Variants in ZDHHC20 observed in about 807,000 individuals in gnomAD.
ZDHHC20 encodes palmitoyltransferase ZDHHC20.
Under a neutral mutation model 57.8 loss-of-function variants are expected in ZDHHC20, and 43 were observed. That is an observed-to-expected ratio of 0.74 (90% confidence interval 0.58 to 0.96). ZDHHC20 has a LOEUF of 0.96. Among genes scored for constraint, ZDHHC20 ranks in the 40% least tolerant of loss-of-function variants. ZDHHC20 has a pLI of 0.00. For missense variants in ZDHHC20, 391 were observed against 441.1 expected, an observed-to-expected ratio of 0.89 and a Z score of 1.02; for synonymous variants, 157 against 153.0, an observed-to-expected ratio of 1.03 and a Z score of -0.19.
rs1010046901 is a variant in ZDHHC20, at chr13:21,374,490, C to A, written c.*2206G>T. On this transcript the variant is annotated 3_prime_UTR_variant, in exon 13 of 13. Coordinates refer to ENST00000400590, the MANE Select transcript of ZDHHC20 (RefSeq NM_001330059.2). ...CCTCAGGTGATCCGCCAGCCTTGGC[C>A]TCCCAAAGTGCTGGGATTACAGGCA... is the stretch of plus-strand genomic sequence containing the variant. 5 of 452,914 alleles carry A rather than the reference C, an allele frequency of 1.1e-5. No homozygotes were observed. The highest frequency in any genetic ancestry group is 1.8e-5 in the Non-Finnish European group (4 of 225,402). 28.1% of individuals were successfully genotyped at this position (452,914 alleles called of 1,614,324 possible).
intron 1 of ZDHHC20, among the ~76,000 whole-genome samples, chr13:21,429,536 G>C (rs1881674758): frequency 2.0e-5 from 3 of 152,116 alleles, no homozygotes; most frequent in Admixed American, 2.0e-4. Context: ...TTTATATTTA[G>C]TGGTCAGAAA....
intron 9 of ZDHHC20, among the ~76,000 whole-genome samples, chr13:21,385,523 T>C (rs1316079013): frequency 6.6e-6 from 1 of 152,160 alleles, no homozygotes; most frequent in Non-Finnish European, 1.5e-5. Context: ...ATCAGTGAAC[T>C]TGTGGATATT....
Position 21,374,991 on chromosome 13 carries a change from G to A in ZDHHC20, c.*1705C>T, listed in dbSNP as rs779650943. 14 of 376,018 alleles carry A rather than the reference G, an allele frequency of 3.7e-5. No homozygotes were observed. The highest frequency in any genetic ancestry group is 6.0e-5 in the South Asian group (3 of 50,038). The allele number at this position is 376,018 out of a possible 1,614,324, so 23.3% of individuals were successfully genotyped here. ...TCTTCTAAAAATGTGAAAATTAGCC[G>A]GGCATGGTGGCATGAGCCTGTAATC... On this transcript the variant is annotated 3_prime_UTR_variant, in exon 13 of 13. Transcript: ENST00000400590.
chr13:21,396,599 G>A (rs1240687126), intron 7 of ZDHHC20, among the ~76,000 whole-genome samples: 4 of 152,320 alleles, frequency 2.6e-5, no homozygotes, highest in East Asian at 3.9e-4. Flanking sequence ...TCAGGAGGCC[G>A]AGGTGGGTGG....
In ZDHHC20 at chr13:21,375,071, T is replaced by A. The variant is rs754633126; in HGVS notation, c.*1625A>T. On this transcript the variant is annotated 3_prime_UTR_variant, in exon 13 of 13. Transcript: ENST00000400590. ...CTCTATTGAACCTGGAAGGCAGAGG[T>A]TGCAGCGAGCCAAGATCCCGCCACT... is the stretch of plus-strand genomic sequence containing the variant. 2 of 453,076 alleles carry A rather than the reference T, an allele frequency of 4.4e-6. No homozygotes were observed. Among genetic ancestry groups the A allele is most frequent in the Non-Finnish European group, 8.9e-6 (2 of 225,826 alleles). The allele number at this position is 453,076 out of a possible 1,614,324, so 28.1% of individuals were successfully genotyped here.
At position 21,459,302 on chromosome 13, in the gene ZDHHC20, G is replaced by A. The variant is rs1241651441; in HGVS notation, c.-131C>T. On this transcript the variant is annotated 5_prime_UTR_variant, in exon 1 of 13. Coordinates refer to ENST00000400590, the MANE Select transcript of ZDHHC20 (RefSeq NM_001330059.2). ...CGCCTCCGAGGCAGGACTTGTGGGAGCAAAAGTCCGAGGCGCCGCCGGGAC... is the reference window on the plus strand; with the variant it reads ...CGCCTCCGAGGCAGGACTTGTGGGAACAAAAGTCCGAGGCGCCGCCGGGAC... The A allele has an allele frequency of 3.3e-6, 2 of 614,548 alleles. No homozygotes were observed. Among genetic ancestry groups the A allele is most frequent in the African/African-American group, 2.0e-5 (1 of 50,892 alleles). The allele number at this position is 614,548 out of a possible 1,614,324, so 38.1% of individuals were successfully genotyped here. A position where few individuals can be genotyped will look rare whatever the true frequency, so the allele number is the denominator to read the frequency against.
intron 1 of ZDHHC20, among the ~76,000 whole-genome samples, chr13:21,448,377 G>T (rs1884049226): frequency 9.7e-6 from 1 of 102,812 alleles, no homozygotes; most frequent in Non-Finnish European, 2.3e-5. Context: ...TGGGGGGTCA[G>T]CCCCCCGCCC....
chr13:21,391,200 C>T (rs1297084677), intron 8 of ZDHHC20, among the ~76,000 whole-genome samples: 1 of 152,134 alleles, frequency 6.6e-6, no homozygotes, highest in Non-Finnish European at 1.5e-5. Context: ...CTCCTGCACT[C>T]AAGTAATCCA....
chr13:21,380,668 T>A (rs1189086384), intron 11 of ZDHHC20, among the ~76,000 whole-genome samples: 2 of 151,496 alleles, frequency 1.3e-5, no homozygotes, highest in Non-Finnish European at 2.9e-5. Flanking sequence ...GGCAACCACC[T>A]GTAGTCCCAG....
At chr13:21,426,611 T>TC (rs1330306058) in intron 1 of ZDHHC20, among the ~76,000 whole-genome samples, 1 of 150,282 alleles carries the variant, frequency 6.7e-6, no homozygotes, top group African/African-American at 2.4e-5. Context: ...CCTTTTCTTT[T>TC]TTTTTTTTTT....
rs61950012 is a variant in ZDHHC20, at chr13:21,428,201, C to A, written c.119-2523G>T. 5.6e-3 allele frequency among the ~76,000 whole-genome samples: 857 copies of A among 152,036 alleles called. 2 individuals carry two copies. The highest frequency in any genetic ancestry group is 7.4e-3 in the Non-Finnish European group (504 of 67,962). ...GAGGCTATTCCTTTTTATGGGGATC[C>A]CAAAATATATTTTTCTTTTTTGTTT... On this transcript the variant is annotated intron_variant, in intron 1 of 12. Transcript: ENST00000400590.
Position 21,401,644 on chromosome 13 carries a change from T to C in ZDHHC20, c.473+9A>G, listed in dbSNP as rs185178847. 2.0e-6 allele frequency: 3 copies of C among 1,537,316 alleles called. No individual in the cohort carries two copies. The highest frequency in any genetic ancestry group is 2.6e-6 in the Non-Finnish European group (3 of 1,144,084). ...ACCAATGCAATTTCTTCTGTTTTTTTATACATACCAAGGACAGTGATGATC... is the reference window on the plus strand; with the variant it reads ...ACCAATGCAATTTCTTCTGTTTTTTCATACATACCAAGGACAGTGATGATC... On this transcript the variant is annotated intron_variant, in intron 6 of 12. Coordinates refer to ENST00000400590, the MANE Select transcript of ZDHHC20 (RefSeq NM_001330059.2).
intron 10 of ZDHHC20, among the ~76,000 whole-genome samples, chr13:21,382,325 A>T (rs1214537572): frequency 6.6e-6 from 1 of 152,178 alleles, no homozygotes; most frequent in Non-Finnish European, 1.5e-5. Context: ...CCTACAACTT[A>T]TTTCTGTAGT....
At chr13:21,428,486 T>A (rs1428745238) in intron 1 of ZDHHC20, among the ~76,000 whole-genome samples, 1 of 151,714 alleles carries the variant, frequency 6.6e-6, no homozygotes, top group South Asian at 2.1e-4. Context: ...CCTGAAGTGC[T>A]GGGATTACAG....
At chr13:21,435,701 A>G (rs1322429195) in intron 1 of ZDHHC20, among the ~76,000 whole-genome samples, 1 of 152,256 alleles carries the variant, frequency 6.6e-6, no homozygotes, top group African/African-American at 2.4e-5. Flanking sequence ...TTTGGCAACC[A>G]GGACAGTAAT....
chr13:21,432,626 C>A (rs116669546), intron 1 of ZDHHC20, among the ~76,000 whole-genome samples: 1,808 of 152,252 alleles, frequency 0.012, 37 homozygotes, highest in African/African-American at 0.041. Flanking sequence ...GACATCTCTC[C>A]TGGACAACTT....
intron 1 of ZDHHC20, among the ~76,000 whole-genome samples, chr13:21,443,370 C>T (rs1883367633): frequency 6.6e-6 from 1 of 152,190 alleles, no homozygotes; most frequent in Non-Finnish European, 1.5e-5. Flanking sequence ...TTCTCATCTT[C>T]TGAGGATGAA....
rs1422329225 is a variant in ZDHHC20, at chr13:21,425,680, T to C, written c.119-2A>G. 3 of 1,171,458 alleles carry C rather than the reference T, an allele frequency of 2.6e-6. No individual in the cohort carries two copies. Among genetic ancestry groups the C allele is most frequent in the Non-Finnish European group, 3.5e-6 (3 of 869,412 alleles). 72.6% of individuals were successfully genotyped at this position (1,171,458 alleles called of 1,614,324 possible). ...TTTCTTCATTTCCAAAAATAGTAAC[T>C]AGAATAGAAGAAAAAATAGTGAATA... On this transcript the variant is annotated splice_acceptor_variant, in intron 1 of 12. Coordinates refer to ENST00000400590, the MANE Select transcript of ZDHHC20 (RefSeq NM_001330059.2). LOFTEE classifies it high-confidence loss of function.
At chr13:21,393,831 G>A (rs547050441) in intron 7 of ZDHHC20, among the ~76,000 whole-genome samples, 75 of 151,614 alleles carry the variant, frequency 4.9e-4, no homozygotes, top group South Asian at 2.7e-3. Flanking sequence ...GACTACAGGC[G>A]TGAGCCACCT....
Sources: gnomAD v4.1 joint callset for allele counts (sites outside exome capture counted in the v4.1 genomes callset) on GRCh38, gnomAD v4.1.1 for gene constraint, MANE v1.5 for transcripts, NCBI Gene and HGNC (gene_info 2026-07-23, HGNC 2026-07-21) for gene names.